CDH13: variants seen among roughly 807,000 people sequenced by gnomAD.
CDH13 encodes cadherin 13.
CDH13 carries 24 observed loss-of-function variants against 63.8 expected under a neutral mutation model. The observed-to-expected ratio is 0.38, with a 90% CI of 0.27 to 0.53. CDH13 has a LOEUF of 0.53. CDH13 is among the 20% of genes least tolerant of loss of function. The pLI, the probability that CDH13 is intolerant of heterozygous loss-of-function variation, is 0.85. For synonymous variants in CDH13, 503 were observed against 355.3 expected, an observed-to-expected ratio of 1.42 and a Z score of -4.67; for missense variants, 1,049 against 903.1, an observed-to-expected ratio of 1.16 and a Z score of -2.07.
intron 7 of CDH13, among the ~76,000 whole-genome samples, chr16:83,564,500 C>T (rs1453195668): frequency 6.7e-6 from 1 of 150,222 alleles, no homozygotes; most frequent in South Asian, 2.1e-4. Context: ...CCTCTGCCTC[C>T]CGGGTTCAAG....
At chr16:83,620,105 GA>G (rs1371537872) in intron 8 of CDH13, among the ~76,000 whole-genome samples, 10 of 152,006 alleles carry the variant, frequency 6.6e-5, no homozygotes, top group Admixed American at 3.3e-4. Context: ...AAGAGATAGG[GA>G]GGGGGGCCGG....
At chr16:82,927,417 C>A (rs954848112) in intron 2 of CDH13, among the ~76,000 whole-genome samples, 1 of 152,116 alleles carries the variant, frequency 6.6e-6, no homozygotes, top group African/African-American at 2.4e-5. Context: ...ATTTTCAGCC[C>A]ATGTTTTACC....
At chr16:83,583,646 G>A (rs112139950) in intron 7 of CDH13, among the ~76,000 whole-genome samples, 111 of 152,184 alleles carry the variant, frequency 7.3e-4, no homozygotes, top group Middle Eastern at 3.4e-3. Flanking sequence ...GGTGGCTCAC[G>A]CCTATAATCC....
At chr16:83,485,949 C>A (rs2073876759) in intron 6 of CDH13, among the ~76,000 whole-genome samples, 1 of 152,094 alleles carries the variant, frequency 6.6e-6, no homozygotes, top group Non-Finnish European at 1.5e-5. Flanking sequence ...TCAAGACAAG[C>A]CTGGCTAAAA....
chr16:83,504,798 T>A (rs1402290647), intron 7 of CDH13, among the ~76,000 whole-genome samples: 2 of 152,176 alleles, frequency 1.3e-5, no homozygotes, highest in South Asian at 2.1e-4. Flanking sequence ...GGAATTTTTT[T>A]AAAAAATAAC....
chr16:82,786,426 C>T (rs1255890643), intron 1 of CDH13, among the ~76,000 whole-genome samples: 2 of 128,408 alleles, frequency 1.6e-5, no homozygotes, highest in South Asian at 5.9e-4. Flanking sequence ...TCCTCCAAAT[C>T]AGAAAACAGT....
intron 1 of CDH13, among the ~76,000 whole-genome samples, chr16:82,762,981 A>G (rs1202247054): frequency 6.6e-6 from 1 of 152,230 alleles, no homozygotes; most frequent in Non-Finnish European, 1.5e-5. Context: ...GATTGCAAGT[A>G]CAAAACAGGA....
intron 2 of CDH13, among the ~76,000 whole-genome samples, chr16:83,028,433 G>A (rs922535618): frequency 6.6e-6 from 1 of 152,150 alleles, no homozygotes; most frequent in African/African-American, 2.4e-5. Context: ...CCTTTGCAGA[G>A]CGATCAAAAG....
chr16:82,695,212 C>T (rs1462387110), intron 1 of CDH13, among the ~76,000 whole-genome samples: 1 of 152,094 alleles, frequency 6.6e-6, no homozygotes, highest in African/African-American at 2.4e-5. Context: ...AATGAGGAGG[C>T]TGTGAAGCAT....
chr16:83,261,413 G>A (rs1906975070), intron 5 of CDH13, among the ~76,000 whole-genome samples: 1 of 152,158 alleles, frequency 6.6e-6, no homozygotes, highest in African/African-American at 2.4e-5. Flanking sequence ...CAGCTGGGTT[G>A]GGGGGTTGGG....
At chr16:83,118,928 C>A (rs2035436997) in intron 3 of CDH13, among the ~76,000 whole-genome samples, 1 of 152,112 alleles carries the variant, frequency 6.6e-6, no homozygotes, top group African/African-American at 2.4e-5. Flanking sequence ...TTCCTCTGAC[C>A]CCTTCTTCCT....
At chr16:83,225,554 G>A (rs1277071281) in intron 5 of CDH13, among the ~76,000 whole-genome samples, 1 of 152,212 alleles carries the variant, frequency 6.6e-6, no homozygotes, top group Non-Finnish European at 1.5e-5. Flanking sequence ...ACAGGCTGAT[G>A]TAATTCCTGA....
intron 2 of CDH13, among the ~76,000 whole-genome samples, chr16:82,952,615 G>C (rs1195351219): frequency 6.6e-6 from 1 of 152,178 alleles, no homozygotes; most frequent in Non-Finnish European, 1.5e-5. Context: ...TTACCTGCTA[G>C]GCAATGTGAT....
chr16:83,145,708 C>T (rs540689643), intron 4 of CDH13, among the ~76,000 whole-genome samples: 1 of 152,338 alleles, frequency 6.6e-6, no homozygotes, highest in African/African-American at 2.4e-5. Flanking sequence ...CATTCAGTCT[C>T]TCAATCAATC....
intron 1 of CDH13, among the ~76,000 whole-genome samples, chr16:82,630,109 G>A (rs1444208359): frequency 6.6e-6 from 1 of 152,186 alleles, no homozygotes; most frequent in Non-Finnish European, 1.5e-5. Context: ...GATTTTCAAT[G>A]AGAATCAGTG....
intron 5 of CDH13, among the ~76,000 whole-genome samples, chr16:83,320,132 C>G (rs1044325643): frequency 6.6e-6 from 1 of 152,130 alleles, no homozygotes; most frequent in African/African-American, 2.4e-5. Context: ...CTCGACCTCT[C>G]AGGCTCAAGT....
intron 1 of CDH13, among the ~76,000 whole-genome samples, chr16:82,819,552 C>T (rs2037896408): frequency 6.6e-6 from 1 of 152,120 alleles, no homozygotes; most frequent in Non-Finnish European, 1.5e-5. Flanking sequence ...CCTCCCTTTC[C>T]CTACCTCTAG....
chr16:83,518,951 T>A (rs1435416264), intron 7 of CDH13, among the ~76,000 whole-genome samples: 1 of 152,204 alleles, frequency 6.6e-6, no homozygotes, highest in Non-Finnish European at 1.5e-5. Flanking sequence ...GTCTCTGGTA[T>A]GTCTTTATTA....
Position 82,917,914 on chromosome 16 carries a change from C to CAAAAAAAAAAAA in CDH13, c.157+59448_157+59459dup, listed in dbSNP as rs34766700. Among the ~76,000 whole-genome samples, 93 of 45,942 alleles carry CAAAAAAAAAAAA rather than the reference C, an allele frequency of 2.0e-3. 7 individuals are homozygous for CAAAAAAAAAAAA. The highest frequency in any genetic ancestry group is 6.0e-3 in the African/African-American group (87 of 14,616). 30.1% of individuals were successfully genotyped at this position (45,942 alleles called of 152,430 possible). On this transcript the variant is annotated intron_variant, in intron 2 of 13. Transcript: ENST00000567109. ...TGGGCAACAGAGAGAGACTCCATGT[C>CAAAAAAAAAAAA]AAAAAAAAAAAAAAAAAAGGCATGT...
Sources: allele counts gnomAD v4.1 joint callset (sites outside exome capture counted in the v4.1 genomes callset), GRCh38; gene constraint gnomAD v4.1.1; transcripts MANE v1.5; gene names NCBI Gene and HGNC (gene_info 2026-07-23, HGNC 2026-07-21).